NIBAN1: variants seen among roughly 807,000 people sequenced by gnomAD.
The protein encoded by NIBAN1 is niban apoptosis regulator 1, also known as protein Niban 1.
In NIBAN1, 81 loss-of-function variants were observed where a neutral mutation model predicts 75.1. The ratio of observed to expected loss-of-function variants is 1.08; its 90% CI spans 0.90 to 1.30. The LOEUF is 1.30. NIBAN1 is among the 50% of genes most tolerant of loss of function. The pLI is 0.00. For missense variants in NIBAN1, 1,133 were observed against 1,128.1 expected, an observed-to-expected ratio of 1.00 and a Z score of -0.06; for synonymous variants, 436 against 424.8, an observed-to-expected ratio of 1.03 and a Z score of -0.32.
intron 11 of NIBAN1, 127 bp downstream of exon 11, chr1:184,805,819 G>C: frequency 1.4e-6 from 1 of 711,900 alleles, no homozygotes; most frequent in Non-Finnish European, 2.4e-6. Flanking sequence ...ACAGTCACTG[G>C]ACTTGGGAGA....
At chr1:184,804,103 G>A (rs559157051) in intron 11 of NIBAN1, among the ~76,000 whole-genome samples, 1 of 152,172 alleles carries the variant, frequency 6.6e-6, no homozygotes, top group Non-Finnish European at 1.5e-5. Flanking sequence ...GGAAGAGAAG[G>A]CCTGGCTAGT....
chr1:184,870,182 T>C (rs1656068751), intron 5 of NIBAN1, among the ~76,000 whole-genome samples: 1 of 152,220 alleles, frequency 6.6e-6, no homozygotes, highest in Non-Finnish European at 1.5e-5. Context: ...TAGATTACAA[T>C]ATGCTAAAAG....
At chr1:184,946,682 A>G (rs1055703073) in intron 1 of NIBAN1, among the ~76,000 whole-genome samples, 3 of 152,232 alleles carry the variant, frequency 2.0e-5, no homozygotes, top group Admixed American at 6.5e-5. Flanking sequence ...TCTTTTAAAA[A>G]GCAGAATAAA....
intron 9 of NIBAN1, among the ~76,000 whole-genome samples, chr1:184,809,433 C>T (rs964088219): frequency 9.2e-5 from 14 of 152,080 alleles, no homozygotes; most frequent in African/African-American, 3.4e-4. Context: ...TAGCTGATAG[C>T]AGTATGGGGG....
Position 184,912,425 on chromosome 1 carries a change from C to A in NIBAN1, c.56-13116G>T, listed in dbSNP as rs190939500. Among the ~76,000 whole-genome samples, 152 of 152,238 alleles carry A rather than the reference C, an allele frequency of 1.0e-3. 1 individual carries two copies. Among genetic ancestry groups the A allele is most frequent in the Middle Eastern group, 6.8e-3 (2 of 294 alleles). On this transcript the variant is annotated intron_variant, in intron 1 of 13. Coordinates refer to ENST00000367511, the MANE Select transcript of NIBAN1 (RefSeq NM_052966.4). ...TTCACCTGCACTTCATATAGCCAAACTGCCCTCCAAAGTGGCTGCGCAATT... is the reference window on the plus strand; with the variant it reads ...TTCACCTGCACTTCATATAGCCAAAATGCCCTCCAAAGTGGCTGCGCAATT...
At chr1:184,933,541 C>T (rs772325761) in intron 1 of NIBAN1, among the ~76,000 whole-genome samples, 45 of 152,156 alleles carry the variant, frequency 3.0e-4, no homozygotes, top group Non-Finnish European at 6.2e-4. Flanking sequence ...TACTCCACAC[C>T]ACATCTTCAT....
In NIBAN1 at chr1:184,845,748, C is replaced by T. The variant is rs1314312870; in HGVS notation, c.602-13786G>A. Among the ~76,000 whole-genome samples, 6 of 87,402 alleles carry T rather than the reference C, an allele frequency of 6.9e-5. 2 individuals are homozygous for T. Among genetic ancestry groups the T allele is most frequent in the African/African-American group, 2.7e-4 (5 of 18,464 alleles). The allele number at this position is 87,402 out of a possible 152,430, so 57.3% of individuals were successfully genotyped here. A position where few individuals can be genotyped will look rare whatever the true frequency, so the allele number is the denominator to read the frequency against. On this transcript the variant is annotated intron_variant, in intron 5 of 13. Coordinates refer to ENST00000367511, the MANE Select transcript of NIBAN1 (RefSeq NM_052966.4). ...TCACTAGGGAGTGCCAGACAGTGGG[C>T]GCAGGCCAGTGTGTGTGCGCACCGT...
At chr1:184,921,394 C>A (rs186817) in intron 1 of NIBAN1, among the ~76,000 whole-genome samples, 6 of 151,860 alleles carry the variant, frequency 4.0e-5, no homozygotes, top group Non-Finnish European at 7.4e-5. Flanking sequence ...ATAGAGACAG[C>A]GATCACAAAA....
chr1:184,951,591 C>T (rs968557486), intron 1 of NIBAN1, among the ~76,000 whole-genome samples: 11 of 152,090 alleles, frequency 7.2e-5, no homozygotes, highest in African/African-American at 2.4e-4. Flanking sequence ...TATTTATAAC[C>T]CAACCATGTC....
intron 5 of NIBAN1, among the ~76,000 whole-genome samples, chr1:184,882,929 T>A (rs1021977548): frequency 6.6e-6 from 1 of 152,202 alleles, no homozygotes; most frequent in African/African-American, 2.4e-5. Flanking sequence ...AATAAGGGTA[T>A]CATTTTTTTA....
intron 1 of NIBAN1, among the ~76,000 whole-genome samples, chr1:184,902,710 C>T (rs962154787): frequency 2.0e-5 from 3 of 152,114 alleles, no homozygotes; most frequent in African/African-American, 7.2e-5. Context: ...ATAGAAGACC[C>T]TCAGTGCATT....
At chr1:184,835,730 A>G (rs540973547) in intron 5 of NIBAN1, among the ~76,000 whole-genome samples, 65 of 152,358 alleles carry the variant, frequency 4.3e-4, no homozygotes, top group African/African-American at 1.5e-3. Context: ...TTATCAGCTT[A>G]AGGAGATTTG....
At chr1:184,861,667 G>A (rs1161378634) in intron 5 of NIBAN1, among the ~76,000 whole-genome samples, 1 of 143,178 alleles carries the variant, frequency 7.0e-6, no homozygotes, top group East Asian at 2.1e-4. Context: ...GAAGGAAGGA[G>A]GAAGGGAGGG....
intron 9 of NIBAN1, among the ~76,000 whole-genome samples, chr1:184,812,505 C>T (rs1460358640): frequency 6.6e-6 from 1 of 152,150 alleles, no homozygotes; most frequent in Non-Finnish European, 1.5e-5. Flanking sequence ...AGATTTCTGG[C>T]TTCTCTCTAT....
At chr1:184,963,073 T>C (rs570391556) in intron 1 of NIBAN1, among the ~76,000 whole-genome samples, 1 of 152,030 alleles carries the variant, frequency 6.6e-6, no homozygotes, top group East Asian at 1.9e-4. Flanking sequence ...AAGAAAAAAA[T>C]ACATAAGCAA....
intron 10 of NIBAN1, 71 bp from the exon 11 acceptor site, chr1:184,806,127 A>T: frequency 3.2e-6 from 4 of 1,261,012 alleles, no homozygotes; most frequent in Non-Finnish European, 4.6e-6. Context: ...GGCCTGGCTA[A>T]GTGGGACTGC....
At chr1:184,908,337 T>G (rs1657155597) in intron 1 of NIBAN1, among the ~76,000 whole-genome samples, 1 of 152,210 alleles carries the variant, frequency 6.6e-6, no homozygotes, top group African/African-American at 2.4e-5. Flanking sequence ...TTTCTGCAAA[T>G]GACCACTGAA....
chr1:184,839,142 A>G (rs1003816880), intron 5 of NIBAN1, among the ~76,000 whole-genome samples: 11 of 152,178 alleles, frequency 7.2e-5, no homozygotes, highest in Non-Finnish European at 1.2e-4. Context: ...CAACAATCCC[A>G]TCAGGCAGGA....
intron 5 of NIBAN1, among the ~76,000 whole-genome samples, chr1:184,871,368 A>G (rs606766): frequency 0.095 from 11,562 of 121,748 alleles, 1,695 homozygotes; most frequent in African/African-American, 0.31. Context: ...AAAAAAAAAA[A>G]AAAAAGAGGA....
Sources: gnomAD v4.1 joint callset for allele counts (sites outside exome capture counted in the v4.1 genomes callset) on GRCh38, gnomAD v4.1.1 for gene constraint, MANE v1.5 for transcripts, NCBI Gene and HGNC (gene_info 2026-07-23, HGNC 2026-07-21) for gene names.